TEF: variants seen among roughly 807,000 people sequenced by gnomAD.
The protein encoded by TEF is thyrotroph embryonic factor.
Under a neutral mutation model 20.8 loss-of-function variants are expected in TEF, and 3 were observed. The observed-to-expected ratio is 0.14, with a 90% CI of 0.07 to 0.37. The LOEUF (loss-of-function observed/expected upper bound fraction) is 0.37, where lower values mean the gene tolerates loss of function less well. TEF is among the 10% of genes least tolerant of loss of function. The pLI is 1.00. For synonymous variants in TEF, 180 were observed against 171.1 expected (o/e 1.05, Z -0.41); for missense variants, 296 against 397.9 (o/e 0.74, Z 2.18).
At position 41,397,299 on chromosome 22, in the gene TEF, G is replaced by T; in HGVS notation, c.*1339G>T. The T allele has an allele frequency of 2.5e-6, 1 of 394,704 alleles. No individual in the cohort carries two copies. The highest frequency in any genetic ancestry group is 2.1e-5 in the African/African-American group (1 of 48,716). The allele number at this position is 394,704 out of a possible 1,614,324, so 24.5% of individuals were successfully genotyped here. ...TGCCTCACAACGACTCCTTTCTCTT[G>T]TGTGGCGGGACTCGCCCTTTTGCTG... On this transcript the variant is annotated 3_prime_UTR_variant, in exon 4 of 4. Coordinates refer to ENST00000266304, the MANE Select transcript of TEF (RefSeq NM_003216.4).
chr22:41,367,530 G>A (rs781164737), exon 1 of TEF: 24 of 1,550,852 alleles, frequency 1.5e-5, no homozygotes, highest in Non-Finnish European at 2.0e-5. Context: ...AGTGGCCCCT[G>A]CCATGGACAT....
At chr22:41,386,650 G>A (rs915996602) in intron 1 of TEF, among the ~76,000 whole-genome samples, 1 of 152,168 alleles carries the variant, frequency 6.6e-6, no homozygotes, top group Non-Finnish European at 1.5e-5. Context: ...GACTGAGACA[G>A]GAGAATTGCT....
chr22:41,382,785 G>T (rs528034215), intron 1 of TEF: 7 of 407,158 alleles, frequency 1.7e-5, no homozygotes, highest in Non-Finnish European at 3.0e-5. Flanking sequence ...GAGCGGGTGG[G>T]GGGGGTGTGG....
At chr22:41,373,210 G>A (rs2036903439) in intron 1 of TEF, among the ~76,000 whole-genome samples, 1 of 152,200 alleles carries the variant, frequency 6.6e-6, no homozygotes, top group African/African-American at 2.4e-5. Flanking sequence ...TCCTAGCACT[G>A]TGCCTGAATG....
chr22:41,387,092 C>T (rs529004081), intron 1 of TEF, among the ~76,000 whole-genome samples: 32 of 152,176 alleles, frequency 2.1e-4, no homozygotes, highest in African/African-American at 7.2e-4. Flanking sequence ...ACCCTATGAC[C>T]GCTTAAGGTC....
chr22:41,379,624 G>A (rs2036988997), upstream of TEF, among the ~76,000 whole-genome samples: 1 of 152,170 alleles, frequency 6.6e-6, no homozygotes, highest in African/African-American at 2.4e-5. Flanking sequence ...CAGCACTTTG[G>A]GATGCCGAGG....
At chr22:41,389,490 C>T (rs1032741608) in intron 2 of TEF, among the ~76,000 whole-genome samples, 3 of 147,356 alleles carry the variant, frequency 2.0e-5, no homozygotes, top group African/African-American at 5.0e-5. Flanking sequence ...CATGGTGGTG[C>T]GTGTCTGTAA....
Position 41,396,124 on chromosome 22 carries a change from G to T in TEF, c.*164G>T. 1 of 719,742 alleles carries T rather than the reference G, an allele frequency of 1.4e-6. No homozygotes were observed. The highest frequency in any genetic ancestry group is 2.2e-6 in the Non-Finnish European group (1 of 446,480). 44.6% of individuals were successfully genotyped at this position (719,742 alleles called of 1,614,324 possible). On this transcript the variant is annotated 3_prime_UTR_variant, in exon 4 of 4. Transcript: ENST00000266304. ...TCTCAGCTTCATTATACCATGGCCTGCGCACGTGGCGACGTCCCTGAGGGG... is the reference window on the plus strand; with the variant it reads ...TCTCAGCTTCATTATACCATGGCCTTCGCACGTGGCGACGTCCCTGAGGGG...
chr22:41,398,694 GA>G lies in TEF; in HGVS notation c.*2735del, dbSNP rs1465566931. On this transcript the variant is annotated 3_prime_UTR_variant, in exon 4 of 4. Transcript: ENST00000266304. ...TTTTCCTGTCTGGCTTCTGAGGTTGGAGGGGGCACTTAGCAGTGAACCTTAA... is the reference window on the plus strand; with the variant it reads ...TTTTCCTGTCTGGCTTCTGAGGTTGGGGGGGCACTTAGCAGTGAACCTTAA... 1.3e-5 allele frequency: 2 copies of G among 152,448 alleles called. No homozygotes were observed. Among genetic ancestry groups the G allele is most frequent in the Admixed American group, 6.5e-5 (1 of 15,300 alleles). The allele number at this position is 152,448 out of a possible 1,614,324, so 9.4% of individuals were successfully genotyped here. A position where few individuals can be genotyped will look rare whatever the true frequency, so the allele number is the denominator to read the frequency against.
At chr22:41,378,286 A>G (rs1228017699), upstream of TEF, among the ~76,000 whole-genome samples, 2 of 145,496 alleles carry the variant, frequency 1.4e-5, no homozygotes, top group Non-Finnish European at 3.0e-5. Context: ...CTCCTGCCTC[A>G]GCCTCCCGAG....
At chr22:41,373,991 A>T (rs191469988) in intron 1 of TEF, among the ~76,000 whole-genome samples, 2 of 151,924 alleles carry the variant, frequency 1.3e-5, no homozygotes, top group Admixed American at 1.3e-4. Flanking sequence ...CTGGAACTCC[A>T]GACCTCATGA....
chr22:41,390,495 C>CT (rs11358311), intron 2 of TEF, among the ~76,000 whole-genome samples: 2,595 of 80,336 alleles, frequency 0.032, 59 homozygotes, highest in African/African-American at 0.053. Context: ...TCATTGTCAT[C>CT]TTTTTTTTTT....
rs2037263313 is a variant in TEF at position 41,399,087 on chromosome 22, G to C, written c.*3127G>C. 1.3e-5 allele frequency: 2 copies of C among 152,640 alleles called. No homozygotes were observed. The highest frequency in any genetic ancestry group is 4.8e-5 in the African/African-American group (2 of 41,440). The allele number at this position is 152,640 out of a possible 1,614,324, so 9.5% of individuals were successfully genotyped here. The stretch of plus-strand genomic sequence containing the variant: ...GATGTGATAGAGTGTGTGGGGCTCT[G>C]TGTCCTTCCCTGGGAGCTGGCATTC... On this transcript the variant is annotated 3_prime_UTR_variant, in exon 4 of 4. Coordinates refer to ENST00000266304, the MANE Select transcript of TEF (RefSeq NM_003216.4).
At chr22:41,373,922 C>G (rs570715345) in intron 1 of TEF, among the ~76,000 whole-genome samples, 1 of 152,022 alleles carries the variant, frequency 6.6e-6, no homozygotes, top group South Asian at 2.1e-4. Flanking sequence ...TGCTACCACA[C>G]CCGGCTAATT....
chr22:41,376,482 C>T (rs1161673655), intron 1 of TEF, among the ~76,000 whole-genome samples: 1 of 152,208 alleles, frequency 6.6e-6, no homozygotes, highest in Non-Finnish European at 1.5e-5. Context: ...TCCGCCTCGG[C>T]CTCCCAAAGT....
intron 1 of TEF, among the ~76,000 whole-genome samples, chr22:41,375,033 C>T (rs2036923850): frequency 1.3e-5 from 2 of 152,184 alleles, no homozygotes; most frequent in East Asian, 3.9e-4. Flanking sequence ...CAGAGGCCCA[C>T]CTCTGTCCCC....
chr22:41,383,387 G>T (rs936687765), intron 1 of TEF, among the ~76,000 whole-genome samples: 5 of 152,130 alleles, frequency 3.3e-5, no homozygotes, highest in African/African-American at 1.2e-4. Context: ...CAAGCTGCAG[G>T]GACAGGTGTA....
chr22:41,394,157 G>C lies in TEF; in HGVS notation c.537G>C (p.Val179=). Residue 179 remains valine (V), a synonymous_variant, in exon 3 of 4, where the codon GTG becomes GTC. Transcript: ENST00000266304. ...PSPIDPNCVE[V]DVNFNPDPAD... ...CCATCGACCCCAATTGTGTGGAAGT[G>C]GATGTGAACTTCAATCCGGACCCCG... The C allele has an allele frequency of 6.2e-7, 1 of 1,614,190 alleles. No individual in the cohort carries two copies. The highest frequency in any genetic ancestry group is 8.5e-7 in the Non-Finnish European group (1 of 1,180,040).
intron 1 of TEF, among the ~76,000 whole-genome samples, chr22:41,384,247 A>G (rs1488329432): frequency 6.6e-6 from 1 of 152,062 alleles, no homozygotes; most frequent in Non-Finnish European, 1.5e-5. Flanking sequence ...GCTTGTCATG[A>G]TTTTATCTCC....
Sources: gnomAD v4.1 joint callset for allele counts (sites outside exome capture counted in the v4.1 genomes callset) on GRCh38, gnomAD v4.1.1 for gene constraint, MANE v1.5 for transcripts, NCBI Gene and HGNC (gene_info 2026-07-23, HGNC 2026-07-21) for gene names.